Variants in TENM2 observed in about 807,000 individuals in gnomAD.
TENM2 encodes the protein teneurin-2.
TENM2 carries 52 observed loss-of-function variants against 245.2 expected under a neutral mutation model. The observed-to-expected ratio is 0.21, with a 90% CI of 0.17 to 0.27. TENM2 has a LOEUF of 0.27. TENM2 is among the 10% of genes least tolerant of loss of function. The pLI, the probability that TENM2 is intolerant of heterozygous loss-of-function variation, is 1.00. For missense variants in TENM2, 3,046 were observed against 3,666.8 expected, an observed-to-expected ratio of 0.83 and a Z score of 4.37; for synonymous variants, 1,363 against 1,438.9, an observed-to-expected ratio of 0.95 and a Z score of 1.19.
chr5:167,108,814 A>C, the TENM2 span, among the ~76,000 whole-genome samples: 1 of 152,360 alleles, frequency 6.6e-6, no homozygotes, highest in Admixed American at 6.5e-5. Flanking sequence ...GATTCTGCCT[A>C]ATATGACTTT....
the TENM2 span, among the ~76,000 whole-genome samples, chr5:167,065,827 G>A: frequency 6.6e-6 from 1 of 152,182 alleles, no homozygotes; most frequent in African/African-American, 2.4e-5. Flanking sequence ...CAGTGGTCAG[G>A]ATTTGTGTAT....
intron 2 of TENM2, among the ~76,000 whole-genome samples, chr5:167,625,676 C>T (rs1778457630): frequency 6.6e-6 from 1 of 152,270 alleles, no homozygotes; most frequent in African/African-American, 2.4e-5. Context: ...AAACAATAAA[C>T]ATTTAATAAT....
chr5:167,903,973 T>G (rs1775902684), intron 3 of TENM2, among the ~76,000 whole-genome samples: 1 of 152,066 alleles, frequency 6.6e-6, no homozygotes, highest in African/African-American at 2.4e-5. Flanking sequence ...GTGGCAAGAA[T>G]TGAAATGGGG....
chr5:167,480,257 T>C (rs1227285481), intron 2 of TENM2, among the ~76,000 whole-genome samples: 1 of 152,186 alleles, frequency 6.6e-6, no homozygotes, highest in Non-Finnish European at 1.5e-5. Context: ...TCCTCACTGA[T>C]TGTAAGACAT....
chr5:167,648,533 A>G (rs1323975789), intron 2 of TENM2, among the ~76,000 whole-genome samples: 1 of 152,182 alleles, frequency 6.6e-6, no homozygotes, highest in African/African-American at 2.4e-5. Flanking sequence ...CCATATGGTC[A>G]CGTACCCGTA....
At chr5:167,645,480 A>G (rs1308165027) in intron 2 of TENM2, among the ~76,000 whole-genome samples, 1 of 151,990 alleles carries the variant, frequency 6.6e-6, no homozygotes, top group Non-Finnish European at 1.5e-5. Flanking sequence ...ATCCCCCTCA[A>G]TCTCGGAGGC....
At chr5:167,597,946 T>C (rs916397169) in intron 2 of TENM2, among the ~76,000 whole-genome samples, 1 of 152,154 alleles carries the variant, frequency 6.6e-6, no homozygotes, top group Non-Finnish European at 1.5e-5. Context: ...ACAGGCAATG[T>C]TGACTGAAAG....
the TENM2 span, among the ~76,000 whole-genome samples, chr5:167,067,762 T>A: frequency 6.6e-6 from 1 of 152,180 alleles, no homozygotes. Context: ...GTATTGGTCA[T>A]AACCACAGTG....
At chr5:167,445,336 T>TATATATATATATATATATAGAGAGAG (rs368881390) in intron 2 of TENM2, among the ~76,000 whole-genome samples, 1 of 77,316 alleles carries the variant, frequency 1.3e-5, no homozygotes, top group African/African-American at 5.6e-5. Context: ...TATATATATA[T>TATATATATATATATATATAGAGAGAG]AGAGAGAGAG....
intron 2 of TENM2, among the ~76,000 whole-genome samples, chr5:167,787,573 C>T (rs755068412): frequency 2.0e-5 from 3 of 152,232 alleles, no homozygotes; most frequent in Non-Finnish European, 2.9e-5. Context: ...ATCCTATGTT[C>T]TATCAATCTC....
chr5:167,162,415 G>A, the TENM2 span, among the ~76,000 whole-genome samples: 1 of 152,026 alleles, frequency 6.6e-6, no homozygotes, highest in African/African-American at 2.4e-5. Flanking sequence ...ATCACTTGAG[G>A]TCAAGAGTTT....
intron 2 of TENM2, among the ~76,000 whole-genome samples, chr5:167,446,810 C>CAT (rs1554155132): frequency 6.6e-6 from 1 of 151,520 alleles, no homozygotes; most frequent in East Asian, 1.9e-4. Context: ...CACACACACA[C>CAT]ACACACACAC....
intron 2 of TENM2, among the ~76,000 whole-genome samples, chr5:167,458,486 CAAAAAAACAAAAAAAA>C (rs200049333): frequency 0.14 from 5,003 of 35,758 alleles, 382 homozygotes; most frequent in East Asian, 0.47. Context: ...GACTCCGTCT[CAAAAAAACAAAAAAAA>C]AAAAAAAAAA....
intron 2 of TENM2, among the ~76,000 whole-genome samples, chr5:167,434,303 A>G (rs1031005208): frequency 6.6e-6 from 1 of 150,688 alleles, no homozygotes; most frequent in African/African-American, 2.4e-5. Flanking sequence ...TGCCCGTACT[A>G]CTCAGGAGGC....
At chr5:167,639,043 T>G (rs1234961008) in intron 2 of TENM2, among the ~76,000 whole-genome samples, 1 of 152,244 alleles carries the variant, frequency 6.6e-6, no homozygotes, top group Non-Finnish European at 1.5e-5. Flanking sequence ...TCAATCCATG[T>G]GCAAACAGAT....
chr5:167,239,743 T>C, the TENM2 span, among the ~76,000 whole-genome samples: 1 of 152,236 alleles, frequency 6.6e-6, no homozygotes, highest in South Asian at 2.1e-4. Flanking sequence ...TATTTATTCA[T>C]GGATAAATTA....
At chr5:167,075,403 C>A in the TENM2 span, among the ~76,000 whole-genome samples, 1 of 152,042 alleles carries the variant, frequency 6.6e-6, no homozygotes, top group Admixed American at 6.6e-5. Flanking sequence ...TGTGACAAGA[C>A]GGTTTTTTGG....
chr5:167,984,440 G>A (rs1049919904), intron 4 of TENM2, among the ~76,000 whole-genome samples: 1 of 152,116 alleles, frequency 6.6e-6, no homozygotes, highest in African/African-American at 2.4e-5. Flanking sequence ...GGTGGATCAC[G>A]AGGTCAGGAG....
At chr5:167,885,009 C>A (rs1774174250) in intron 3 of TENM2, among the ~76,000 whole-genome samples, 1 of 152,096 alleles carries the variant, frequency 6.6e-6, no homozygotes, top group African/African-American at 2.4e-5. Flanking sequence ...ATGATTAGTT[C>A]TTTTCATGTG....
Sources: allele counts gnomAD v4.1 joint callset (sites outside exome capture counted in the v4.1 genomes callset), GRCh38; gene constraint gnomAD v4.1.1; transcripts MANE v1.5; gene names NCBI Gene and HGNC (gene_info 2026-07-23, HGNC 2026-07-21).